The following ACYP2 variants were observed in gnomAD, a reference collection of about 807,000 sequenced individuals.
ACYP2 encodes acylphosphatase 2.
Under a neutral mutation model 11.2 loss-of-function variants are expected in ACYP2, and 12 were observed. That is an observed-to-expected ratio of 1.08 (90% CI 0.69 to 1.74). The LOEUF is 1.74. ACYP2 is among the 40% of genes most tolerant of loss of function. ACYP2 has a pLI of 0.00. For synonymous variants in ACYP2, 43 were observed against 32.2 expected, an observed-to-expected ratio of 1.33 and a Z score of -1.13; for missense variants, 134 against 101.9, an observed-to-expected ratio of 1.31 and a Z score of -1.35.
At chr2:54,217,440 C>T (rs1383910880) in intron 6 of ACYP2, among the ~76,000 whole-genome samples, 1 of 152,182 alleles carries the variant, frequency 6.6e-6, no homozygotes, top group African/African-American at 2.4e-5. Context: ...AATCACAGCT[C>T]ACTGTGGCCT....
intron 2 of ACYP2, among the ~76,000 whole-genome samples, chr2:54,034,232 C>T (rs1158043480): frequency 3.9e-5 from 6 of 152,132 alleles, no homozygotes; most frequent in African/African-American, 1.4e-4. Context: ...GTGGTGGGCA[C>T]TTGTAATCCC....
chr2:54,277,611 G>A (rs1020396652), intron 6 of ACYP2, among the ~76,000 whole-genome samples: 1 of 152,120 alleles, frequency 6.6e-6, no homozygotes, highest in Non-Finnish European at 1.5e-5. Context: ...TTGGGAGGCG[G>A]AGGTTGCAGT....
intron 4 of ACYP2, among the ~76,000 whole-genome samples, chr2:54,069,649 A>G (rs1676924230): frequency 6.6e-6 from 1 of 151,920 alleles, no homozygotes; most frequent in Non-Finnish European, 1.5e-5. Context: ...GTGACAGAGC[A>G]AGACTCCGTC....
At chr2:54,023,143 C>A (rs1357116256) in intron 2 of ACYP2, among the ~76,000 whole-genome samples, 2 of 152,036 alleles carry the variant, frequency 1.3e-5, no homozygotes, top group Non-Finnish European at 2.9e-5. Flanking sequence ...AGCCTCATAA[C>A]CTTTCAAAGA....
chr2:54,051,335 A>G (rs569954973), intron 3 of ACYP2: 1 of 763,584 alleles, frequency 1.3e-6, no homozygotes, highest in African/African-American at 1.7e-5. Flanking sequence ...AGAGTTTTTA[A>G]GAAGTGCTCA....
chr2:54,077,392 C>T (rs1677402002), intron 4 of ACYP2, among the ~76,000 whole-genome samples: 2 of 152,180 alleles, frequency 1.3e-5, no homozygotes, highest in Admixed American at 1.3e-4. Flanking sequence ...ATTTTTAACT[C>T]TCTGCCTAGC....
At chr2:54,027,988 G>A (rs545038437) in intron 2 of ACYP2, among the ~76,000 whole-genome samples, 3 of 151,742 alleles carry the variant, frequency 2.0e-5, no homozygotes, top group Non-Finnish European at 4.4e-5. Context: ...GGTTACAGGT[G>A]CCTGCCACCA....
chr2:54,205,601 G>GC lies in ACYP2; in HGVS notation c.404+66855dup, dbSNP rs1208826925. 4.6e-5 allele frequency among the ~76,000 whole-genome samples: 7 copies of GC among 152,260 alleles called. No homozygotes were observed. In the East Asian group the frequency reaches 1.3e-3, roughly 29 times the overall value. ...GGTATTTTCAGCTCTTCCACAAAGG[G>GC]CCTAGATGGTAAAGACCCATCTCTT... is the stretch of plus-strand genomic sequence containing the variant. On this transcript the variant is annotated intron_variant, in intron 6 of 6. Coordinates refer to ENST00000607452, the MANE Select transcript of ACYP2 (RefSeq NM_001320586.2).
chr2:54,257,954 C>A (rs1018458793), intron 6 of ACYP2, among the ~76,000 whole-genome samples: 1 of 152,186 alleles, frequency 6.6e-6, no homozygotes, highest in Non-Finnish European at 1.5e-5. Context: ...ACCAAACCTT[C>A]AAGGAACACA....
chr2:54,109,869 C>T (rs140522880), intron 4 of ACYP2, among the ~76,000 whole-genome samples: 5 of 152,062 alleles, frequency 3.3e-5, no homozygotes, highest in Non-Finnish European at 5.9e-5. Context: ...AATTAATGAA[C>T]CAATATCAAT....
intron 6 of ACYP2, among the ~76,000 whole-genome samples, chr2:54,292,487 ATAT>A (rs1393635880): frequency 2.0e-5 from 3 of 152,154 alleles, no homozygotes; most frequent in Non-Finnish European, 2.9e-5. Context: ...GTTAAATAAG[ATAT>A]TATTAAAATT....
At chr2:54,256,673 T>C (rs943400175) in intron 6 of ACYP2, among the ~76,000 whole-genome samples, 1 of 152,338 alleles carries the variant, frequency 6.6e-6, no homozygotes, top group South Asian at 2.1e-4. Context: ...ACTCGTAGTT[T>C]CGCTGTCGCC....
chr2:54,181,309 G>A (rs10174714), intron 6 of ACYP2, among the ~76,000 whole-genome samples: 29,295 of 152,092 alleles, frequency 0.19, 2,960 homozygotes, highest in East Asian at 0.41. Flanking sequence ...GATGGTCAGG[G>A]ATAATACAAA....
At position 54,035,009 on chromosome 2, in the gene ACYP2, C is replaced by CAAAAAAAAAAAAAAAA. The variant is rs550142135; in HGVS notation, c.63-15941_63-15926dup. Among the ~76,000 whole-genome samples the CAAAAAAAAAAAAAAAA allele has an allele frequency of 7.8e-3, 349 of 44,754 alleles. 55 individuals are homozygous for CAAAAAAAAAAAAAAAA. Among genetic ancestry groups the CAAAAAAAAAAAAAAAA allele is most frequent in the South Asian group, 0.022 (15 of 674 alleles). The allele number at this position is 44,754 out of a possible 152,430, so 29.4% of individuals were successfully genotyped here. A position where few individuals can be genotyped will look rare whatever the true frequency, so the allele number is the denominator to read the frequency against. ...CAGGCGACAGTGCGAGACTACATCT[C>CAAAAAAAAAAAAAAAA]AAAAAAAAAAAAAAAAAAAAAAAGC... is the stretch of plus-strand genomic sequence containing the variant. On this transcript the variant is annotated intron_variant, in intron 2 of 6. Coordinates refer to ENST00000607452, the MANE Select transcript of ACYP2 (RefSeq NM_001320586.2).
At chr2:54,176,167 T>A (rs1172739438) in intron 6 of ACYP2, among the ~76,000 whole-genome samples, 1 of 152,082 alleles carries the variant, frequency 6.6e-6, no homozygotes, top group African/African-American at 2.4e-5. Context: ...GACTAAGACA[T>A]CCCCCTAGCA....
intron 4 of ACYP2, among the ~76,000 whole-genome samples, chr2:54,095,655 G>GC (rs1678505239): frequency 7.4e-6 from 1 of 135,646 alleles, no homozygotes; most frequent in Non-Finnish European, 1.6e-5. Flanking sequence ...CTGGCCGCGC[G>GC]GGGGGCTGAC....
At chr2:54,129,853 A>G (rs1417046363) in intron 4 of ACYP2, among the ~76,000 whole-genome samples, 1 of 148,312 alleles carries the variant, frequency 6.7e-6, no homozygotes, top group Non-Finnish European at 1.5e-5. Context: ...AACAATAAAT[A>G]TAATATATAA....
intron 2 of ACYP2, among the ~76,000 whole-genome samples, chr2:53,995,017 T>C (rs994744060): frequency 1.3e-5 from 2 of 152,194 alleles, no homozygotes; most frequent in African/African-American, 2.4e-5. Context: ...AGTGTCTTTC[T>C]GTTTTTGCGT....
intron 6 of ACYP2, among the ~76,000 whole-genome samples, chr2:54,294,713 C>T (rs1435766263): frequency 6.6e-6 from 1 of 151,628 alleles, no homozygotes; most frequent in Non-Finnish European, 1.5e-5. Context: ...GAGTTTGAGA[C>T]CAGCCTGAGC....
Sources: allele counts gnomAD v4.1 joint callset (sites outside exome capture counted in the v4.1 genomes callset), GRCh38; gene constraint gnomAD v4.1.1; transcripts MANE v1.5; gene names NCBI Gene and HGNC (gene_info 2026-07-23, HGNC 2026-07-21).